MSI2: variants seen among roughly 807,000 people sequenced by gnomAD.
MSI2 encodes the protein musashi RNA binding protein 2.
A neutral mutation model predicts 45.6 loss-of-function variants in MSI2; 17 were observed. That is an observed-to-expected ratio of 0.37 (90% confidence interval 0.26 to 0.56). The LOEUF is 0.56. MSI2 is among the 20% of genes least tolerant of loss of function. MSI2 has a pLI of 0.77. For synonymous variants in MSI2, 156 were observed against 158.2 expected (o/e 0.99, Z 0.11); for missense variants, 293 against 444.2 (o/e 0.66, Z 3.06).
chr17:57,268,906 T>G (rs1908093629), intron 5 of MSI2, among the ~76,000 whole-genome samples: 1 of 152,152 alleles, frequency 6.6e-6, no homozygotes, highest in Non-Finnish European at 1.5e-5. Flanking sequence ...TTGTACATCG[T>G]GGACTTCCAT....
At chr17:57,429,078 G>A (rs1338934246) in intron 6 of MSI2, among the ~76,000 whole-genome samples, 1 of 152,038 alleles carries the variant, frequency 6.6e-6, no homozygotes, top group African/African-American at 2.4e-5. Context: ...CAGCATATCT[G>A]GCTCTTCATA....
intron 6 of MSI2, among the ~76,000 whole-genome samples, chr17:57,413,436 T>C (rs1416571777): frequency 2.0e-5 from 3 of 150,306 alleles, no homozygotes; most frequent in Non-Finnish European, 4.4e-5. Flanking sequence ...GTTGAACCGA[T>C]GTAGGCCCAA....
intron 5 of MSI2, among the ~76,000 whole-genome samples, chr17:57,350,832 T>C (rs1164872536): frequency 2.0e-5 from 3 of 152,106 alleles, no homozygotes; most frequent in Non-Finnish European, 2.9e-5. Flanking sequence ...TCAGCTAGGG[T>C]CTCTGTAGGA....
intron 6 of MSI2, among the ~76,000 whole-genome samples, chr17:57,488,879 G>A (rs775138211): frequency 2.6e-5 from 4 of 152,042 alleles, no homozygotes; most frequent in South Asian, 2.1e-4. Context: ...TAGAGCTGGC[G>A]GTGTGCAGAC....
At position 57,273,005 on chromosome 17, in the gene MSI2, A is replaced by G. The variant is rs146941611; in HGVS notation, c.312+10813A>G. The stretch of plus-strand genomic sequence containing the variant: ...AGGCAAACAAGCAAAAAATGTTTCA[A>G]CTTTCAGATATACTACTTAATAAAA... On this transcript the variant is annotated intron_variant, in intron 5 of 13. Coordinates refer to ENST00000284073, the MANE Select transcript of MSI2 (RefSeq NM_138962.4). Among the ~76,000 whole-genome samples, 1,226 of 152,302 alleles carry G rather than the reference A, an allele frequency of 8.0e-3. 6 individuals are homozygous for G. The highest frequency in any genetic ancestry group is 0.013 in the Non-Finnish European group (877 of 68,028).
chr17:57,550,074 C>T (rs932554065), intron 7 of MSI2, among the ~76,000 whole-genome samples: 4 of 152,206 alleles, frequency 2.6e-5, no homozygotes, highest in South Asian at 4.1e-4. Flanking sequence ...ACCCCATCCC[C>T]GCCTTAGTTG....
chr17:57,456,106 A>G (rs1293651743), intron 6 of MSI2, among the ~76,000 whole-genome samples: 2 of 152,238 alleles, frequency 1.3e-5, no homozygotes, highest in Non-Finnish European at 2.9e-5. Context: ...CAGAACAAGA[A>G]CATCGAACAA....
chr17:57,558,141 G>A (rs953625309), intron 7 of MSI2, among the ~76,000 whole-genome samples: 1 of 152,130 alleles, frequency 6.6e-6, no homozygotes, highest in African/African-American at 2.4e-5. Flanking sequence ...AGGCTCTGGG[G>A]GAAAAGGACA....
At chr17:57,306,484 C>T (rs1911909636) in intron 5 of MSI2, among the ~76,000 whole-genome samples, 1 of 152,190 alleles carries the variant, frequency 6.6e-6, no homozygotes, top group African/African-American at 2.4e-5. Context: ...TCTTCCCTCT[C>T]CCCAGTGTAG....
At chr17:57,304,186 A>G (rs192985816) in intron 5 of MSI2, among the ~76,000 whole-genome samples, 120 of 151,946 alleles carry the variant, frequency 7.9e-4, no homozygotes, top group African/African-American at 2.7e-3. Flanking sequence ...GTGAAATGCT[A>G]TCTCTACTAA....
intron 6 of MSI2, among the ~76,000 whole-genome samples, chr17:57,499,468 C>T (rs539566637): frequency 6.6e-6 from 1 of 150,484 alleles, no homozygotes; most frequent in Non-Finnish European, 1.5e-5. Context: ...AAGACAAAAT[C>T]AAGGGCAGAC....
chr17:57,524,294 T>A (rs911102860), intron 6 of MSI2, among the ~76,000 whole-genome samples: 1 of 152,236 alleles, frequency 6.6e-6, no homozygotes, highest in Admixed American at 6.5e-5. Flanking sequence ...GAAAGTAGAC[T>A]CCACCTCTTT....
chr17:57,532,838 A>G (rs2086849399), intron 7 of MSI2, among the ~76,000 whole-genome samples: 1 of 152,216 alleles, frequency 6.6e-6, no homozygotes, highest in Admixed American at 6.5e-5. Flanking sequence ...TTGTCACAGC[A>G]CATGCTCAGC....
At chr17:57,541,033 A>G (rs904450155) in intron 7 of MSI2, among the ~76,000 whole-genome samples, 32 of 152,288 alleles carry the variant, frequency 2.1e-4, no homozygotes, top group African/African-American at 7.7e-4. Flanking sequence ...GTTAGAGAAA[A>G]GACCTTTCAT....
At chr17:57,479,572 A>G (rs1306967064) in intron 6 of MSI2, among the ~76,000 whole-genome samples, 1 of 152,224 alleles carries the variant, frequency 6.6e-6, no homozygotes. Flanking sequence ...ATTTCTTTCA[A>G]TGAAGAGCAG....
chr17:57,524,774 A>C (rs917303514), intron 6 of MSI2, among the ~76,000 whole-genome samples: 1 of 152,224 alleles, frequency 6.6e-6, no homozygotes, highest in Non-Finnish European at 1.5e-5. Flanking sequence ...TGCCACACTG[A>C]AGTGTGGAAC....
chr17:57,682,098 T>TA lies in MSI2; in HGVS notation c.*2589dup, dbSNP rs895858607. 49 of 200,048 alleles carry TA rather than the reference T, an allele frequency of 2.4e-4. No individual in the cohort carries two copies. The South Asian group carries it at 6.1e-3, about 25-fold the overall frequency. 12.4% of individuals were successfully genotyped at this position (200,048 alleles called of 1,614,324 possible). A position where few individuals can be genotyped will look rare whatever the true frequency, so the allele number is the denominator to read the frequency against. ...TGATAGGTATAACATAATTAAGGTT[T>TA]AAAAAAAATTAGACATAGTTATTCA... On this transcript the variant is annotated 3_prime_UTR_variant, in exon 14 of 14. Transcript: ENST00000284073.
chr17:57,578,094 T>C (rs1006290449), intron 7 of MSI2, among the ~76,000 whole-genome samples: 3 of 152,236 alleles, frequency 2.0e-5, no homozygotes, highest in Admixed American at 2.0e-4. Flanking sequence ...TGGGCCGTTC[T>C]TCTTGCCTCC....
chr17:57,415,366 C>T (rs1156296140), intron 6 of MSI2, among the ~76,000 whole-genome samples: 1 of 151,790 alleles, frequency 6.6e-6, no homozygotes, highest in Non-Finnish European at 1.5e-5. Flanking sequence ...GCCAGACTGT[C>T]GGGAATTATG....
Sources: allele counts gnomAD v4.1 joint callset (sites outside exome capture counted in the v4.1 genomes callset), GRCh38; gene constraint gnomAD v4.1.1; transcripts MANE v1.5; gene names NCBI Gene and HGNC (gene_info 2026-07-23, HGNC 2026-07-21).